C1RL: variants seen among roughly 807,000 people sequenced by gnomAD.
The protein encoded by C1RL is complement C1r subcomponent like, also known as complement C1r subcomponent-like protein.
In C1RL, 27 loss-of-function variants were observed where a neutral mutation model predicts 27.9. That is an observed-to-expected ratio of 0.97 (90% CI 0.71 to 1.33). C1RL has a LOEUF of 1.33. Among genes scored for constraint, C1RL ranks in the 40% most tolerant of loss-of-function variants. C1RL has a pLI of 0.00. For missense variants in C1RL, 563 were observed against 623.9 expected (o/e 0.90, Z 1.04); for synonymous variants, 248 against 252.1 (o/e 0.98, Z 0.15).
chr12:7,108,463 A>G lies in C1RL; in HGVS notation c.88T>C (p.Trp30Arg), dbSNP rs774071238. The G allele has an allele frequency of 6.3e-7, 1 of 1,598,818 alleles. No individual in the cohort carries two copies. Among genetic ancestry groups the G allele is most frequent in the African/African-American group, 1.3e-5 (1 of 74,744 alleles). Residue 30 changes from tryptophan to arginine, a missense_variant, in exon 2 of 6, where the codon TGG (tryptophan) becomes CGG (arginine). Physicochemically the swap from Trp to Arg is moderately radical, Grantham distance 101. Transcript: ENST00000266542. ...GTTGGGCAAGCCTGGAGGACTCCCC[A>G]GAGAAGCAGCCACCACCTGTGAGTT... ...CPGAMWWLLL[W>R]GVLQACPTRG...
chr12:7,099,453 C>T (rs914900732), intron 5 of C1RL: 11 of 984,408 alleles, frequency 1.1e-5, no homozygotes, highest in Non-Finnish European at 1.2e-5. Flanking sequence ...TTTTCTAGTC[C>T]ATCTCATGAA....
At chr12:7,097,727 C>T (rs866660121) in intron 5 of C1RL, among the ~76,000 whole-genome samples, 29 of 152,162 alleles carry the variant, frequency 1.9e-4, no homozygotes, top group Admixed American at 5.9e-4. Context: ...CAGATGAGCA[C>T]ATGTTTGGGG....
chr12:7,105,813 T>C (rs2135762509), intron 2 of C1RL, among the ~76,000 whole-genome samples: 1 of 152,204 alleles, frequency 6.6e-6, no homozygotes, highest in East Asian at 1.9e-4. Flanking sequence ...TCCTTAGAAA[T>C]GAAATAATAT....
In C1RL at chr12:7,096,875, T is replaced by A. The variant is rs756256292; in HGVS notation, c.980A>T (p.Asp327Val). 4 of 1,599,274 alleles carry A rather than the reference T, an allele frequency of 2.5e-6. No homozygotes were observed. Among genetic ancestry groups the A allele is most frequent in the Non-Finnish European group, 3.4e-6 (4 of 1,171,416 alleles). ...GTTATGGGACTCATTCTGACGGTAG[T>A]CGGGGTGCACAACGACACGGTGGAC... ...HPVHRVVVHP[D>V]YRQNESHNFS... Residue 327 changes from aspartate (D) to valine (V), a missense_variant, in exon 6 of 6, where the codon GAC (aspartate) becomes GTC (valine). Physicochemically the swap from Asp to Val is radical, Grantham distance 152. Coordinates refer to ENST00000266542, the MANE Select transcript of C1RL (RefSeq NM_016546.4).
chr12:7,095,341 C>T lies in C1RL; in HGVS notation c.*1050G>A. ...ATGTTGGCCAGGATGGGCTGGATCT[C>T]CTGACCTCGTGATCCACCCACCTCG... On this transcript the variant is annotated 3_prime_UTR_variant, in exon 6 of 6. Transcript: ENST00000266542. 2.1e-6 allele frequency: 2 copies of T among 974,686 alleles called. No individual in the cohort carries two copies. Among genetic ancestry groups the T allele is most frequent in the Non-Finnish European group, 2.5e-6 (2 of 799,426 alleles). The allele number at this position is 974,686 out of a possible 1,614,324, so 60.4% of individuals were successfully genotyped here.
intron 2 of C1RL, chr12:7,108,032 C>G: frequency 4.6e-6 from 2 of 437,222 alleles, no homozygotes; most frequent in Non-Finnish European, 8.1e-6. Flanking sequence ...GCTTGCTGCC[C>G]TCTTTGCTCT....
At position 7,108,257 on chromosome 12, in the gene C1RL, A is replaced by G; in HGVS notation, c.294T>C (p.Ser98=). 2 of 1,602,350 alleles carry G rather than the reference A, an allele frequency of 1.2e-6. No homozygotes were observed. Among genetic ancestry groups the G allele is most frequent in the Non-Finnish European group, 1.7e-6 (2 of 1,172,794 alleles). ...CCCCCCATCCCCAGCTCACTGTGAC[A>G]GAGTCCCCTGCACAGTCCTGGGACG... The part of the protein sequence containing the change: ...LEPSQDCAGD[S]VTISFVGSDP... The change falls in exon 2 of 6, where the codon TCT becomes TCC. Residue 98 remains serine (S), a synonymous_variant. Coordinates refer to ENST00000266542, the MANE Select transcript of C1RL (RefSeq NM_016546.4).
chr12:7,108,347 G>A lies in C1RL; in HGVS notation c.204C>T (p.Ser68=), dbSNP rs776632812. ...PEPYGKGQES[S]TDIKAPEGFA... ...AGCCCTCTGGAGCCTTGATGTCCGT[G>A]CTGCTCTCTTGGCCTTTGCCATACG... is the stretch of plus-strand genomic sequence containing the variant. Residue 68 remains serine, a synonymous_variant, in exon 2 of 6, where the codon AGC becomes AGT. Coordinates refer to ENST00000266542, the MANE Select transcript of C1RL (RefSeq NM_016546.4). 5.0e-6 allele frequency: 8 copies of A among 1,614,150 alleles called. No homozygotes were observed. The Admixed American group carries it at 1.3e-4, about 27-fold the overall frequency.
At chr12:7,097,368 C>A (rs777754581) in intron 5 of C1RL, 4 of 518,888 alleles carry the variant, frequency 7.7e-6, no homozygotes, top group African/African-American at 2.0e-5. Context: ...CTGCAACCTC[C>A]GCCTCCTGCG....
intron 2 of C1RL, among the ~76,000 whole-genome samples, chr12:7,106,091 G>A (rs1938756878): frequency 6.6e-6 from 1 of 152,154 alleles, no homozygotes. Flanking sequence ...TCTGCACAAT[G>A]AGTAAAAAAC....
chr12:7,102,058 C>T lies in C1RL; in HGVS notation c.330G>A (p.Gln110=), dbSNP rs759711744. The T allele has an allele frequency of 3.1e-6, 5 of 1,612,554 alleles. No homozygotes were observed. In the Admixed American group the frequency reaches 6.7e-5, roughly 22 times the overall value. ...TISFVGSDPS[Q]FCGQQGSPLG... ...GAGGGGAGCCTTGCTGACCACAGAACTGGCTTGGATCCGAACCGACGAATG... is the reference window on the plus strand; with the variant it reads ...GAGGGGAGCCTTGCTGACCACAGAATTGGCTTGGATCCGAACCGACGAATG... The change falls in exon 3 of 6, where the codon CAG becomes CAA. Residue 110 remains glutamine, a synonymous_variant. Coordinates refer to ENST00000266542, the MANE Select transcript of C1RL (RefSeq NM_016546.4).
Position 7,099,673 on chromosome 12 carries a change from G to T in C1RL, c.691+13C>A, listed in dbSNP as rs1426084367. ...GCTTGTTGGGGGAATGGTGCTAGCA[G>T]GTGGCTACTCACCAGGCATACACTG... On this transcript the variant is annotated intron_variant, in intron 5 of 5. Coordinates refer to ENST00000266542, the MANE Select transcript of C1RL (RefSeq NM_016546.4). The T allele has an allele frequency of 6.4e-7, 1 of 1,551,988 alleles. No individual in the cohort carries two copies. Among genetic ancestry groups the T allele is most frequent in the African/African-American group, 1.4e-5 (1 of 73,212 alleles).
intron 5 of C1RL, among the ~76,000 whole-genome samples, chr12:7,097,605 GCAGA>G (rs1444701478): frequency 6.6e-6 from 1 of 152,126 alleles, no homozygotes; most frequent in Non-Finnish European, 1.5e-5. Flanking sequence ...TTATACTGAT[GCAGA>G]CCCACGGTGT....
chr12:7,099,883 C>T lies in C1RL; in HGVS notation c.616+18G>A, dbSNP rs375126286. Reference sequence around the variant, plus strand: ...AATGAGGTGGATGGAAGCCACCCCTCGGCAGGTGGGGACTCACCTGCTGCC... The same window carrying T: ...AATGAGGTGGATGGAAGCCACCCCTTGGCAGGTGGGGACTCACCTGCTGCC... On this transcript the variant is annotated intron_variant, in intron 4 of 5. Coordinates refer to ENST00000266542, the MANE Select transcript of C1RL (RefSeq NM_016546.4). 3.5e-5 allele frequency: 56 copies of T among 1,613,512 alleles called. No homozygotes were observed. The highest frequency in any genetic ancestry group is 8.0e-5 in the African/African-American group (6 of 74,912).
At chr12:7,098,640 T>C (rs1938523634) in intron 5 of C1RL, among the ~76,000 whole-genome samples, 1 of 152,138 alleles carries the variant, frequency 6.6e-6, no homozygotes, top group African/African-American at 2.4e-5. Context: ...AAAAATGAAA[T>C]ACTGATGGAT....
chr12:7,099,912 G>A lies in C1RL; in HGVS notation c.605C>T (p.Ala202Val), dbSNP rs372482642. The A allele has an allele frequency of 1.2e-6, 2 of 1,613,960 alleles. No individual in the cohort carries two copies. Among genetic ancestry groups the A allele is most frequent in the Non-Finnish European group, 8.5e-7 (1 of 1,180,030 alleles). The change falls in exon 4 of 6, where the codon GCC (alanine) becomes GTC (valine). Residue 202 changes from alanine (A) to valine (V), a missense_variant. Transcript: ENST00000266542. ...AGGTGGGGACTCACCTGCTGCCGCG[G>A]CCTGATAATAGGGCTCCTGGCAGTG... ...QNHCQEPYYQ[A>V]AAAGALTCAT...
At chr12:7,100,285 G>A (rs1233891153) in intron 3 of C1RL, among the ~76,000 whole-genome samples, 1 of 152,134 alleles carries the variant, frequency 6.6e-6, no homozygotes, top group African/African-American at 2.4e-5. Context: ...CCGTTTTGGA[G>A]AAAATTTTAG....
intron 5 of C1RL, chr12:7,098,160 A>C (rs899592059): frequency 6.6e-6 from 1 of 152,216 alleles, no homozygotes; most frequent in Non-Finnish European, 1.5e-5. Flanking sequence ...AGTCCCAGCT[A>C]TTCGGGAGGC....
Position 7,099,920 on chromosome 12 carries a change from A to G in C1RL, c.597T>C (p.Tyr199=). The part of the protein sequence containing the change: ...AKVQNHCQEP[Y]YQAAAAGALT... ...ACTCACCTGCTGCCGCGGCCTGATA[A>G]TAGGGCTCCTGGCAGTGGTTCTGGA... Residue 199 remains tyrosine (Y), a synonymous_variant, in exon 4 of 6, where the codon TAT becomes TAC. Coordinates refer to ENST00000266542, the MANE Select transcript of C1RL (RefSeq NM_016546.4). 6.2e-7 allele frequency: 1 copy of G among 1,614,104 alleles called. No individual in the cohort carries two copies. Among genetic ancestry groups the G allele is most frequent in the Non-Finnish European group, 8.5e-7 (1 of 1,180,016 alleles).
Sources: gnomAD v4.1 joint callset for allele counts (sites outside exome capture counted in the v4.1 genomes callset) on GRCh38, gnomAD v4.1.1 for gene constraint, MANE v1.5 for transcripts, NCBI Gene and HGNC (gene_info 2026-07-23, HGNC 2026-07-21) for gene names.